Variants in FOXP1 observed in about 807,000 individuals in gnomAD.
FOXP1 encodes forkhead box P1, also known as forkhead box protein P1.
Under a neutral mutation model 98.2 loss-of-function variants are expected in FOXP1, and 15 were observed. That is an observed-to-expected ratio of 0.15 (90% confidence interval 0.10 to 0.24). The LOEUF is 0.24. Ranked by LOEUF, FOXP1 falls within the 10% of genes least tolerant of loss-of-function variation. The pLI, the probability that FOXP1 is intolerant of heterozygous loss-of-function variation, is 1.00. For synonymous variants in FOXP1, 371 were observed against 314.5 expected, an observed-to-expected ratio of 1.18 and a Z score of -1.90; for missense variants, 633 against 848.5, an observed-to-expected ratio of 0.75 and a Z score of 3.15.
At chr3:71,293,531 T>C (rs1418237843) in intron 5 of FOXP1, among the ~76,000 whole-genome samples, 3 of 152,174 alleles carry the variant, frequency 2.0e-5, no homozygotes, top group Admixed American at 2.0e-4. Context: ...TTTGTATTTT[T>C]GATTGTTCAC....
At chr3:71,232,877 C>CAAAAAAAAAAAA (rs59404230) in intron 5 of FOXP1, among the ~76,000 whole-genome samples, 2,415 of 31,174 alleles carry the variant, frequency 0.077, 460 homozygotes, top group East Asian at 0.11. Context: ...AACTCTGTCT[C>CAAAAAAAAAAAA]AAAAAAAAAA....
At chr3:71,381,874 T>C (rs568386560) in intron 3 of FOXP1, among the ~76,000 whole-genome samples, 1 of 152,286 alleles carries the variant, frequency 6.6e-6, no homozygotes, top group East Asian at 1.9e-4. Context: ...ATCTACCAAA[T>C]TGCCAATCAG....
chr3:71,418,758 A>G (rs1174548231), intron 3 of FOXP1, among the ~76,000 whole-genome samples: 2 of 152,164 alleles, frequency 1.3e-5, no homozygotes, highest in African/African-American at 4.8e-5. Context: ...TAGCCATTTG[A>G]GACCAATACC....
intron 2 of FOXP1, among the ~76,000 whole-genome samples, chr3:71,565,132 T>C (rs1248459787): frequency 1.3e-5 from 2 of 151,970 alleles, no homozygotes; most frequent in African/African-American, 2.4e-5. Context: ...AGTCAAATCA[T>C]CCACTGAGGA....
chr3:71,486,536 A>G (rs1193713745), intron 3 of FOXP1, among the ~76,000 whole-genome samples: 2 of 152,220 alleles, frequency 1.3e-5, no homozygotes, highest in Non-Finnish European at 2.9e-5. Context: ...CCAAGAGGGT[A>G]ACAATTCACG....
At chr3:71,414,611 A>G (rs954239900) in intron 3 of FOXP1, among the ~76,000 whole-genome samples, 1 of 152,260 alleles carries the variant, frequency 6.6e-6, no homozygotes, top group Non-Finnish European at 1.5e-5. Flanking sequence ...GGATATTCTA[A>G]CATGGCTCTT....
At chr3:71,513,769 T>C (rs977100143) in intron 2 of FOXP1, among the ~76,000 whole-genome samples, 1 of 152,092 alleles carries the variant, frequency 6.6e-6, no homozygotes, top group Admixed American at 6.6e-5. Flanking sequence ...AGAATGTAAT[T>C]CTCTGCAAGC....
At chr3:71,008,230 T>G (rs1211480486) in intron 12 of FOXP1, among the ~76,000 whole-genome samples, 1 of 152,098 alleles carries the variant, frequency 6.6e-6, no homozygotes. Flanking sequence ...GTGGTCAGGA[T>G]TTAACCTTCA....
chr3:70,986,945 T>C (rs1052733669), intron 14 of FOXP1, among the ~76,000 whole-genome samples: 2 of 152,234 alleles, frequency 1.3e-5, no homozygotes, highest in Admixed American at 1.3e-4. Context: ...CCATAAATCA[T>C]ACATATATGG....
chr3:71,078,130 C>G (rs976349926), intron 7 of FOXP1, among the ~76,000 whole-genome samples: 1 of 144,274 alleles, frequency 6.9e-6, no homozygotes, highest in East Asian at 2.7e-4. Flanking sequence ...CCCCGCCCGG[C>G]CTCCTCTGTA....
intron 3 of FOXP1, among the ~76,000 whole-genome samples, chr3:71,456,486 G>A (rs1291258021): frequency 2.0e-5 from 3 of 152,072 alleles, no homozygotes; most frequent in African/African-American, 2.4e-5. Context: ...AATAAGAACC[G>A]AAATTTGTTT....
At chr3:71,429,937 G>A (rs1232167648) in intron 3 of FOXP1, among the ~76,000 whole-genome samples, 2 of 152,160 alleles carry the variant, frequency 1.3e-5, no homozygotes, top group Non-Finnish European at 2.9e-5. Flanking sequence ...TGCATATCCA[G>A]TGAAAAACAA....
intron 6 of FOXP1, among the ~76,000 whole-genome samples, chr3:71,189,385 G>A (rs1019700043): frequency 9.2e-5 from 14 of 152,168 alleles, no homozygotes; most frequent in Admixed American, 7.9e-4. Context: ...ATTAGTAACT[G>A]TCAAAGGCTA....
chr3:71,450,438 C>G (rs2086842164), intron 3 of FOXP1, among the ~76,000 whole-genome samples: 1 of 152,202 alleles, frequency 6.6e-6, no homozygotes, highest in Admixed American at 6.5e-5. Context: ...TCTAATGCCA[C>G]AGAAATTTTG....
chr3:71,050,467 A>T (rs1344551718), intron 9 of FOXP1, among the ~76,000 whole-genome samples: 3 of 152,212 alleles, frequency 2.0e-5, no homozygotes, highest in Non-Finnish European at 4.4e-5. Context: ...AAAGATCTTT[A>T]AAAAACTAAA....
chr3:71,500,407 A>G (rs944546597), intron 2 of FOXP1, among the ~76,000 whole-genome samples: 2 of 152,096 alleles, frequency 1.3e-5, no homozygotes, highest in African/African-American at 2.4e-5. Context: ...TCCCCCATCT[A>G]TGTCCAAACC....
At chr3:71,512,349 C>T (rs2042259311) in intron 2 of FOXP1, among the ~76,000 whole-genome samples, 1 of 152,146 alleles carries the variant, frequency 6.6e-6, no homozygotes, top group South Asian at 2.1e-4. Context: ...AGAGCAGACA[C>T]ACCCTGTAAG....
chr3:71,295,818 G>A (rs548120300), intron 5 of FOXP1, among the ~76,000 whole-genome samples: 2 of 152,276 alleles, frequency 1.3e-5, no homozygotes, highest in East Asian at 3.9e-4. Context: ...ACCAAACCAA[G>A]GCAACCATAA....
At chr3:70,971,075 C>T (rs539547601) in intron 18 of FOXP1, 88 of 436,956 alleles carry the variant, frequency 2.0e-4, no homozygotes, top group African/African-American at 1.6e-3. Context: ...CCAGAGACCT[C>T]TCTGCAGATT....
Sources: allele counts gnomAD v4.1 joint callset (sites outside exome capture counted in the v4.1 genomes callset), GRCh38; gene constraint gnomAD v4.1.1; transcripts MANE v1.5; gene names NCBI Gene and HGNC (gene_info 2026-07-23, HGNC 2026-07-21).